Variants in PTGES observed in about 807,000 individuals in gnomAD.
PTGES encodes the protein prostaglandin E synthase.
PTGES carries 3 observed loss-of-function variants against 11.8 expected under a neutral mutation model. The observed-to-expected ratio is 0.25, with a 90% CI of 0.12 to 0.66. The LOEUF (loss-of-function observed/expected upper bound fraction) is 0.66, where lower values mean the gene tolerates loss of function less well. Among genes scored for constraint, PTGES ranks in the 30% least tolerant of loss-of-function variants. The probability of loss-of-function intolerance (pLI) is 0.82; values close to 1 mark genes in which losing one functional copy is unlikely to be tolerated. For missense variants in PTGES, 180 were observed against 213.0 expected (o/e 0.85, Z 0.96); for synonymous variants, 94 against 90.4 (o/e 1.04, Z -0.22).
intron 2 of PTGES, among the ~76,000 whole-genome samples, chr9:129,740,930 C>A (rs1443413190): frequency 6.6e-6 from 1 of 152,212 alleles, no homozygotes; most frequent in Non-Finnish European, 1.5e-5. Flanking sequence ...TACATTCCAC[C>A]AATAACACCG....
Position 129,738,670 on chromosome 9 carries a change from C to G in PTGES, c.*941G>C, listed in dbSNP as rs201196781. 6.4e-4 allele frequency: 98 copies of G among 152,574 alleles called. No individual in the cohort carries two copies. Among genetic ancestry groups the G allele is most frequent in the Non-Finnish European group, 1.1e-3 (77 of 68,240 alleles). 9.5% of individuals were successfully genotyped at this position (152,574 alleles called of 1,614,324 possible). On this transcript the variant is annotated 3_prime_UTR_variant, in exon 3 of 3. Transcript: ENST00000340607. This position sits in a 1 kb window ranked among gnomAD's most constrained non-coding sequence, Gnocchi z 4.2. ...AGAGAGAAGACTGCAGCAAAGACAT[C>G]CAAAGCCAACGGCAAGGGAAGCGTC...
intron 1 of PTGES, among the ~76,000 whole-genome samples, chr9:129,750,126 C>T (rs1833089038): frequency 6.6e-6 from 1 of 152,216 alleles, no homozygotes; most frequent in Non-Finnish European, 1.5e-5. Flanking sequence ...GACATAAAGT[C>T]ACACTGAGAT....
At position 129,739,853 on chromosome 9, in the gene PTGES, G is replaced by T; in HGVS notation, c.217C>A (p.Arg73=). Residue 73 remains arginine, a synonymous_variant, in exon 3 of 3, where the codon CGG becomes AGG. Coordinates refer to ENST00000340607, the MANE Select transcript of PTGES (RefSeq NM_004878.5). This position sits in a 1 kb window ranked among gnomAD's most constrained non-coding sequence, Gnocchi z 5.7. ...PDVERCLRAH[R]NDMETIYPFL... ...GGGTAGATGGTCTCCATGTCGTTCC[G>T]GTGGGCCCTGGGGAGACAAGAGGGG... 1.9e-6 allele frequency: 3 copies of T among 1,567,212 alleles called. No individual in the cohort carries two copies. The highest frequency in any genetic ancestry group is 2.6e-6 in the Non-Finnish European group (3 of 1,155,520).
At chr9:129,750,679 C>G (rs1426579072) in intron 1 of PTGES, among the ~76,000 whole-genome samples, 3 of 152,194 alleles carry the variant, frequency 2.0e-5, no homozygotes, top group Non-Finnish European at 4.4e-5. Context: ...GGCTGCGATG[C>G]TCATGTTAAT....
intron 2 of PTGES, among the ~76,000 whole-genome samples, chr9:129,742,732 C>T (rs139530574): frequency 2.0e-5 from 3 of 151,888 alleles, no homozygotes; most frequent in East Asian, 2.0e-4. Context: ...ATCAGTCAGG[C>T]GTGGTGGCAG....
intron 1 of PTGES, 95 bp from the exon 2 acceptor site, chr9:129,748,832 G>A (rs548487771): frequency 4.1e-5 from 43 of 1,048,194 alleles, no homozygotes; most frequent in Non-Finnish European, 5.7e-5. Flanking sequence ...ACAGTGGCAG[G>A]ACAGAGGTGC....
intron 2 of PTGES, among the ~76,000 whole-genome samples, chr9:129,740,666 A>G (rs1832986411): frequency 6.6e-6 from 1 of 152,216 alleles, no homozygotes; most frequent in African/African-American, 2.4e-5. Flanking sequence ...CCAAGAAAGA[A>G]AACTCAGAAA....
chr9:129,745,030 T>C lies in PTGES; in HGVS notation c.209+3625A>G, dbSNP rs892092261. Among the ~76,000 whole-genome samples the C allele has an allele frequency of 4.6e-5, 7 of 152,126 alleles. No homozygotes were observed. Among genetic ancestry groups the C allele is most frequent in the African/African-American group, 1.7e-4 (7 of 41,418 alleles). ...GGGACTGCGTTCACTATGTACAAAA[T>C]GTACATGCTGGATGACATCTAAGGG... On this transcript the variant is annotated intron_variant, in intron 2 of 2. Coordinates refer to ENST00000340607, the MANE Select transcript of PTGES (RefSeq NM_004878.5). The surrounding 1 kb of genome is among the most constrained non-coding windows in gnomAD (Gnocchi z 4.2).
chr9:129,748,242 A>G (rs111716283), intron 2 of PTGES, among the ~76,000 whole-genome samples: 2 of 148,022 alleles, frequency 1.4e-5, no homozygotes, highest in African/African-American at 5.0e-5. Flanking sequence ...AAAAAAAAGC[A>G]TAGTACAGAC....
chr9:129,748,266 G>A (rs1270485595), intron 2 of PTGES, among the ~76,000 whole-genome samples: 1 of 151,208 alleles, frequency 6.6e-6, no homozygotes, highest in Non-Finnish European at 1.5e-5. Context: ...AGGATAAAGG[G>A]TGATTCTATG....
intron 2 of PTGES, among the ~76,000 whole-genome samples, chr9:129,741,571 T>C (rs1411018354): frequency 6.6e-6 from 1 of 152,142 alleles, no homozygotes; most frequent in Non-Finnish European, 1.5e-5. Context: ...CCTGTGTCTG[T>C]CAGAGGCTGG....
rs776039939 is a variant in PTGES at position 129,739,707 on chromosome 9, C to T, written c.363G>A (p.Leu121=). 1.9e-6 allele frequency: 3 copies of T among 1,571,182 alleles called. No individual in the cohort carries two copies. The highest frequency in any genetic ancestry group is 1.7e-4 in the Middle Eastern group (1 of 6,006). Residue 121 remains leucine (L), a synonymous_variant, in exon 3 of 3, where the codon CTG becomes CTA. Transcript: ENST00000340607. This position sits in a 1 kb window ranked among gnomAD's most constrained non-coding sequence, Gnocchi z 5.7. ...VAHTVAYLGK[L]RAPIRSVTYT... Reference sequence around the variant, plus strand: ...AGGTCACGGAGCGGATGGGTGCCCGCAGCTTCCCCAGGTAGGCCACGGTGT... The same window carrying T: ...AGGTCACGGAGCGGATGGGTGCCCGTAGCTTCCCCAGGTAGGCCACGGTGT...
At chr9:129,750,304 T>G (rs561388876) in intron 1 of PTGES, among the ~76,000 whole-genome samples, 2 of 152,304 alleles carry the variant, frequency 1.3e-5, no homozygotes, top group East Asian at 3.9e-4. Context: ...AGGGCTGGTT[T>G]GTCCTCCCTG....
At chr9:129,742,779 G>A (rs1175587840) in intron 2 of PTGES, among the ~76,000 whole-genome samples, 1 of 151,894 alleles carries the variant, frequency 6.6e-6, no homozygotes, top group African/African-American at 2.4e-5. Flanking sequence ...GGCTGAGGCA[G>A]GGGAATCTCT....
At chr9:129,750,106 G>A (rs1229718660) in intron 1 of PTGES, among the ~76,000 whole-genome samples, 1 of 152,196 alleles carries the variant, frequency 6.6e-6, no homozygotes, top group Non-Finnish European at 1.5e-5. Context: ...TTCTCTCATT[G>A]GAAAGCAGAG....
chr9:129,744,751 C>T (rs1833034431), intron 2 of PTGES, among the ~76,000 whole-genome samples: 1 of 150,472 alleles, frequency 6.6e-6, no homozygotes, highest in African/African-American at 2.5e-5. Flanking sequence ...GTGGCGCGCA[C>T]CTGTAATCCC....
chr9:129,748,128 A>G (rs1030239327), intron 2 of PTGES, among the ~76,000 whole-genome samples: 7 of 151,200 alleles, frequency 4.6e-5, no homozygotes, highest in African/African-American at 1.5e-4. Context: ...TGTACATTCA[A>G]CAGAGTGGCA....
At chr9:129,749,326 G>A (rs186563347) in intron 1 of PTGES, among the ~76,000 whole-genome samples, 9 of 152,162 alleles carry the variant, frequency 5.9e-5, no homozygotes, top group Admixed American at 4.6e-4. Context: ...AGACCAACCC[G>A]GGCAACATAG....
At position 129,739,873 on chromosome 9, in the gene PTGES, G is replaced by A. The variant is rs767923394; in HGVS notation, c.210-13C>T. 3 of 1,561,556 alleles carry A rather than the reference G, an allele frequency of 1.9e-6. No individual in the cohort carries two copies. The South Asian group carries it at 3.5e-5, about 18-fold the overall frequency. ...GTTCCGGTGGGCCCTGGGGAGACAA[G>A]AGGGGTGCGGTCAGCCAGGTATTAG... On this transcript the variant is annotated splice_polypyrimidine_tract_variant and intron_variant, in intron 2 of 2. Transcript: ENST00000340607. This position sits in a 1 kb window ranked among gnomAD's most constrained non-coding sequence, Gnocchi z 5.7.
Sources: allele counts gnomAD v4.1 joint callset (sites outside exome capture counted in the v4.1 genomes callset), GRCh38; gene constraint gnomAD v4.1.1; non-coding constraint Gnocchi (gnomAD v3.1); transcripts MANE v1.5; gene names NCBI Gene and HGNC (gene_info 2026-07-23, HGNC 2026-07-21).